DGLUCY: variants seen among roughly 807,000 people sequenced by gnomAD.
The protein encoded by DGLUCY is D-glutamate cyclase, mitochondrial.
DGLUCY carries 58 observed loss-of-function variants against 58.5 expected under a neutral mutation model. The observed-to-expected ratio is 0.99, with a 90% CI of 0.80 to 1.23. The LOEUF (loss-of-function observed/expected upper bound fraction) is 1.23, where lower values mean the gene tolerates loss of function less well. Among genes scored for constraint, DGLUCY ranks in the 50% most tolerant of loss-of-function variants. The pLI is 0.00. For missense variants in DGLUCY, 779 were observed against 784.7 expected, an observed-to-expected ratio of 0.99 and a Z score of 0.09; for synonymous variants, 325 against 314.1, an observed-to-expected ratio of 1.03 and a Z score of -0.37.
chr14:91,087,009 C>T (rs75729390), intron 1 of DGLUCY, among the ~76,000 whole-genome samples: 1,948 of 152,196 alleles, frequency 0.013, 43 homozygotes, highest in African/African-American at 0.044. Context: ...CAGGACTGAC[C>T]GCAGGGTCCA....
chr14:91,154,761 A>G (rs1382868946), intron 1 of DGLUCY, among the ~76,000 whole-genome samples: 1 of 152,228 alleles, frequency 6.6e-6, no homozygotes, highest in Non-Finnish European at 1.5e-5. Flanking sequence ...CCCGACCTGC[A>G]GCCCTACTAG....
intron 12 of DGLUCY, among the ~76,000 whole-genome samples, chr14:91,207,711 A>G (rs1240322472): frequency 6.6e-6 from 1 of 151,784 alleles, no homozygotes; most frequent in African/African-American, 2.4e-5. Context: ...CAGAAAACAT[A>G]TAAGCATGAA....
At chr14:91,181,639 CTCTT>C (rs889741875) in intron 8 of DGLUCY, among the ~76,000 whole-genome samples, 6 of 141,936 alleles carry the variant, frequency 4.2e-5, no homozygotes, top group South Asian at 4.4e-4. Context: ...TTCTTTCTTT[CTCTT>C]TCTTTCTTTT....
At position 91,114,287 on chromosome 14, in the gene DGLUCY, A is replaced by C. The variant is rs1405879888; in HGVS notation, c.-82+4A>C. The C allele has an allele frequency of 6.6e-6, 1 of 152,362 alleles. No homozygotes were observed. The highest frequency in any genetic ancestry group is 1.5e-5 in the Non-Finnish European group (1 of 68,172). The allele number at this position is 152,362 out of a possible 1,614,324, so 9.4% of individuals were successfully genotyped here. A position where few individuals can be genotyped will look rare whatever the true frequency, so the allele number is the denominator to read the frequency against. The stretch of plus-strand genomic sequence containing the variant: ...GTCCAGACGCCCCAAACAAACAGTA[A>C]GTCAGAAGGGAACAGAGCACAGCAC... On this transcript the variant is annotated splice_donor_region_variant and intron_variant, in intron 1 of 13. Coordinates refer to ENST00000256324, the MANE Select transcript of DGLUCY (RefSeq NM_001102368.3).
At chr14:91,205,511 G>C (rs983222496) in intron 12 of DGLUCY, among the ~76,000 whole-genome samples, 2 of 152,100 alleles carry the variant, frequency 1.3e-5, no homozygotes, top group East Asian at 3.9e-4. Flanking sequence ...ATGGAACCTC[G>C]TGGGAACCAG....
At chr14:91,106,694 G>A (rs547978188), upstream of DGLUCY, among the ~76,000 whole-genome samples, 73 of 124,140 alleles carry the variant, frequency 5.9e-4, 2 homozygotes, top group South Asian at 0.021. Flanking sequence ...GCAACAAAGC[G>A]AGACTCTGTC....
At chr14:91,197,457 A>G (rs1318287469) in intron 10 of DGLUCY, among the ~76,000 whole-genome samples, 2 of 152,172 alleles carry the variant, frequency 1.3e-5, no homozygotes, top group Non-Finnish European at 2.9e-5. Context: ...CTACACTCAC[A>G]TTGCTGTACA....
intron 1 of DGLUCY, among the ~76,000 whole-genome samples, chr14:91,123,660 C>T (rs1360737415): frequency 2.0e-5 from 3 of 151,904 alleles, no homozygotes; most frequent in African/African-American, 7.3e-5. Context: ...AGTCATGGCT[C>T]ACTGCAACCT....
chr14:91,204,129 A>G (rs192095120), intron 11 of DGLUCY, among the ~76,000 whole-genome samples: 1 of 152,338 alleles, frequency 6.6e-6, no homozygotes, highest in Admixed American at 6.5e-5. Flanking sequence ...CTAATTAACA[A>G]ATTCTCTGAT....
intron 13 of DGLUCY, chr14:91,223,930 T>C: frequency 3.8e-6 from 1 of 263,608 alleles, no homozygotes; most frequent in Non-Finnish European, 7.6e-6. Context: ...AAGTCAGACC[T>C]TTCTGATCCC....
At chr14:91,141,256 C>G (rs2046651319) in intron 1 of DGLUCY, among the ~76,000 whole-genome samples, 3 of 151,670 alleles carry the variant, frequency 2.0e-5, no homozygotes, top group Non-Finnish European at 2.9e-5. Flanking sequence ...TGTGGTAGTT[C>G]CAGCTACTCA....
chr14:91,224,237 A>G (rs1887904099), intron 13 of DGLUCY, among the ~76,000 whole-genome samples: 1 of 152,212 alleles, frequency 6.6e-6, no homozygotes, highest in Non-Finnish European at 1.5e-5. Context: ...GGTTAAGGAA[A>G]TGCAGGCTGG....
intron 8 of DGLUCY, chr14:91,185,461 T>C (rs2049457062): frequency 6.6e-6 from 1 of 151,432 alleles, no homozygotes; most frequent in Non-Finnish European, 1.5e-5. Context: ...TTTTAATTTT[T>C]TTTTGTAGAG....
chr14:91,086,420 T>A (rs1336556408), intron 1 of DGLUCY, among the ~76,000 whole-genome samples: 1 of 152,212 alleles, frequency 6.6e-6, no homozygotes, highest in Non-Finnish European at 1.5e-5. Flanking sequence ...GGTGTAGTAT[T>A]TGTATGTGAC....
At chr14:91,061,499 T>TA (rs2043682187) in intron 1 of DGLUCY, among the ~76,000 whole-genome samples, 1 of 152,158 alleles carries the variant, frequency 6.6e-6, no homozygotes, top group South Asian at 2.1e-4. Flanking sequence ...GAATTTGAAA[T>TA]AAAGCAGTCG....
At chr14:91,176,595 G>T (rs1473790117) in intron 7 of DGLUCY, among the ~76,000 whole-genome samples, 2 of 152,014 alleles carry the variant, frequency 1.3e-5, no homozygotes, top group East Asian at 3.9e-4. Flanking sequence ...CAATTTTTTT[G>T]TCGTTGGTTT....
At chr14:91,204,678 G>T in intron 11 of DGLUCY, 28 bp from the exon 12 acceptor site, 1 of 1,611,426 alleles carries the variant, frequency 6.2e-7, no homozygotes, top group Non-Finnish European at 8.5e-7. Flanking sequence ...CTGGTCCCGT[G>T]CACTGACTCA....
intron 1 of DGLUCY, among the ~76,000 whole-genome samples, chr14:91,140,700 A>G (rs2140249368): frequency 6.6e-6 from 1 of 152,266 alleles, no homozygotes; most frequent in East Asian, 1.9e-4. Flanking sequence ...ATAATTTATG[A>G]AAGTCAAGAG....
At chr14:91,138,567 A>G (rs2046471519) in intron 1 of DGLUCY, among the ~76,000 whole-genome samples, 1 of 152,244 alleles carries the variant, frequency 6.6e-6, no homozygotes, top group South Asian at 2.1e-4. Flanking sequence ...CCCCAGTTCC[A>G]CATGGCTGGG....
Sources: gnomAD v4.1 joint callset for allele counts (sites outside exome capture counted in the v4.1 genomes callset) on GRCh38, gnomAD v4.1.1 for gene constraint, MANE v1.5 for transcripts, NCBI Gene and HGNC (gene_info 2026-07-23, HGNC 2026-07-21) for gene names.